Variants in FOXO3B observed in about 807,000 individuals in gnomAD.
FOXO3B encodes forkhead box O3B, also known as forkhead box protein O3B.
Under a neutral mutation model 21.9 loss-of-function variants are expected in FOXO3B, and 15 were observed. That is an observed-to-expected ratio of 0.68 (90% confidence interval 0.46 to 1.05). FOXO3B has a LOEUF of 1.05. FOXO3B is among the 50% of genes least tolerant of loss of function. The pLI, the probability that FOXO3B is intolerant of heterozygous loss-of-function variation, is 0.00. For synonymous variants in FOXO3B, 135 were observed against 213.6 expected, an observed-to-expected ratio of 0.63 and a Z score of 3.21; for missense variants, 293 against 435.5, an observed-to-expected ratio of 0.67 and a Z score of 2.91.
intron 3 of FOXO3B, chr17:18,677,294 G>A (rs1235468240): frequency 6.2e-7 from 1 of 1,613,410 alleles, no homozygotes; most frequent in Non-Finnish European, 8.5e-7. Context: ...TGCTGGGGAA[G>A]GACTTCCCTG....
intron 2 of FOXO3B, 41 bp from the exon 3 acceptor site, chr17:18,680,870 T>A (rs201691498): frequency 7.1e-7 from 1 of 1,401,920 alleles, no homozygotes; most frequent in Non-Finnish European, 9.7e-7. Flanking sequence ...CTAGGCTTAA[T>A]GTGCCACTCA....
Position 18,671,709 on chromosome 17 carries a change from C to T in FOXO3B, c.*600G>A, listed in dbSNP as rs1331362684. The T allele has an allele frequency of 5.0e-6, 8 of 1,613,428 alleles. No homozygotes were observed. Among genetic ancestry groups the T allele is most frequent in the Non-Finnish European group, 3.4e-6 (4 of 1,179,932 alleles). ...GAAGCTAGAACTCCGCTGCATGAGT[C>T]CCCCAGTGGGCGATGGCTGGGATGG... On this transcript the variant is annotated 3_prime_UTR_variant, in exon 4 of 4. Transcript: ENST00000395675.
chr17:18,674,272 A>G (rs1205759543), intron 3 of FOXO3B, among the ~76,000 whole-genome samples: 2 of 151,800 alleles, frequency 1.3e-5, no homozygotes, highest in African/African-American at 4.9e-5. Context: ...CCTTAGACAC[A>G]TTTTCTTTGG....
At chr17:18,677,238 A>T in intron 3 of FOXO3B, 1 of 1,581,362 alleles carries the variant, frequency 6.3e-7, no homozygotes, top group East Asian at 2.3e-5. Context: ...CTCTGATAAA[A>T]CAAGTCTACT....
chr17:18,676,225 A>G (rs1185716794), intron 3 of FOXO3B, among the ~76,000 whole-genome samples: 2 of 152,230 alleles, frequency 1.3e-5, no homozygotes, highest in African/African-American at 4.8e-5. Context: ...TGCATCCATC[A>G]GATTGACAAA....
rs1186496729 is a variant in FOXO3B, at chr17:18,671,627, C to G, written c.*682G>C. On this transcript the variant is annotated 3_prime_UTR_variant, in exon 4 of 4. Coordinates refer to ENST00000395675, the MANE Select transcript of FOXO3B (RefSeq NM_001368135.1). ...AGTTCAGAGATGAAGGTCCAAACAC[C>G]GTGCTGTTAAAGGAGCTGGTTGGGG... 1 of 1,613,790 alleles carries G rather than the reference C, an allele frequency of 6.2e-7. No homozygotes were observed. Among genetic ancestry groups the G allele is most frequent in the African/African-American group, 1.3e-5 (1 of 74,870 alleles).
At chr17:18,677,601 C>T in intron 3 of FOXO3B, 1 of 1,605,290 alleles carries the variant, frequency 6.2e-7, no homozygotes, top group South Asian at 1.1e-5. Context: ...CGGGCGGGCC[C>T]TGGCCAGTGG....
rs1350831583 is a variant in FOXO3B, at chr17:18,672,889, G to A, written c.293C>T (p.Pro98Leu). The stretch of plus-strand genomic sequence containing the variant: ...CTCCGGGTCCAGCTCCACTTCGAGC[G>A]GAGAAAGCGGGGCCGGGGAAGCCGG... Reference protein sequence around the residue: ...EAPASPAPLSPLEVELDPEFE... With the variant: ...EAPASPAPLSLLEVELDPEFE... Residue 98 changes from proline (P) to leucine (L), a missense_variant, in exon 4 of 4, where the codon CCG becomes CTG. Coordinates refer to ENST00000395675, the MANE Select transcript of FOXO3B (RefSeq NM_001368135.1). This position sits in a 1 kb window ranked among gnomAD's most constrained non-coding sequence, Gnocchi z 4.2. The A allele has an allele frequency of 2.6e-6, 4 of 1,560,854 alleles. No homozygotes were observed. Among genetic ancestry groups the A allele is most frequent in the Non-Finnish European group, 1.7e-6 (2 of 1,155,440 alleles).
At position 18,671,679 on chromosome 17, in the gene FOXO3B, T is replaced by C; in HGVS notation, c.*630A>G. The C allele has an allele frequency of 1.2e-6, 2 of 1,613,850 alleles. No homozygotes were observed. Among genetic ancestry groups the C allele is most frequent in the East Asian group, 4.5e-5 (2 of 44,874 alleles). On this transcript the variant is annotated 3_prime_UTR_variant, in exon 4 of 4. Coordinates refer to ENST00000395675, the MANE Select transcript of FOXO3B (RefSeq NM_001368135.1). ...GCTCAGGCCCGAGCCCTTGGTGGTATACGGGAAGCTAGAACTCCGCTGCAT... is the reference window on the plus strand; with the variant it reads ...GCTCAGGCCCGAGCCCTTGGTGGTACACGGGAAGCTAGAACTCCGCTGCAT...
chr17:18,672,162 G>A lies in FOXO3B; in HGVS notation c.*147C>T, dbSNP rs931753308. 4.3e-6 allele frequency: 7 copies of A among 1,612,544 alleles called. No individual in the cohort carries two copies. The highest frequency in any genetic ancestry group is 5.1e-6 in the Non-Finnish European group (6 of 1,179,242). Reference sequence around the variant, plus strand: ...GGCTCTTGGTATACTTGTTGCTATTGTCCATGGAGACAGCCCGCCGCCGGG... The same window carrying A: ...GGCTCTTGGTATACTTGTTGCTATTATCCATGGAGACAGCCCGCCGCCGGG... On this transcript the variant is annotated 3_prime_UTR_variant, in exon 4 of 4. Transcript: ENST00000395675. This position sits in a 1 kb window ranked among gnomAD's most constrained non-coding sequence, Gnocchi z 4.2.
rs2032371564 is a variant in FOXO3B, at chr17:18,671,838, C to A, written c.*471G>T. On this transcript the variant is annotated 3_prime_UTR_variant, in exon 4 of 4. Transcript: ENST00000395675. ...TGTCAGTCAGCCGTAGCAGTTCCAC[C>A]GTGCACGGCTTGCTTACTGAAGGTG... 3 of 1,608,932 alleles carry A rather than the reference C, an allele frequency of 1.9e-6. No individual in the cohort carries two copies. Among genetic ancestry groups the A allele is most frequent in the Admixed American group, 3.4e-5 (2 of 59,660 alleles).
intron 3 of FOXO3B, among the ~76,000 whole-genome samples, chr17:18,676,382 G>A (rs2032481751): frequency 2.0e-5 from 3 of 152,130 alleles, no homozygotes; most frequent in African/African-American, 7.2e-5. Context: ...GATGATCACT[G>A]CAACTGCTAC....
intron 3 of FOXO3B, among the ~76,000 whole-genome samples, chr17:18,676,194 G>T (rs1356749194): frequency 6.6e-6 from 1 of 152,184 alleles, no homozygotes; most frequent in Admixed American, 6.5e-5. Flanking sequence ...TCAGAGAAAT[G>T]AAAATTTTAA....
At chr17:18,677,693 C>T (rs1212983669) in intron 3 of FOXO3B, 6 of 1,602,690 alleles carry the variant, frequency 3.7e-6, no homozygotes, top group East Asian at 2.2e-5. Context: ...AGCATGCTGG[C>T]GAGCGCGATA....
chr17:18,679,460 T>C (rs901585351), intron 3 of FOXO3B, among the ~76,000 whole-genome samples: 13 of 149,878 alleles, frequency 8.7e-5, no homozygotes, highest in African/African-American at 3.0e-4. Context: ...AACTTTTTTT[T>C]TTTTTTTTTG....
intron 3 of FOXO3B, among the ~76,000 whole-genome samples, chr17:18,673,676 T>G (rs1210198587): frequency 6.6e-6 from 1 of 151,882 alleles, no homozygotes; most frequent in East Asian, 1.9e-4. Flanking sequence ...TCCAGGATTT[T>G]GTCTGTTACC....
rs1200580737 is a variant in FOXO3B, at chr17:18,672,503, C to T, written c.679G>A (p.Gly227Arg). 2.6e-6 allele frequency: 4 copies of T among 1,531,084 alleles called. No homozygotes were observed. The Admixed American group carries it at 8.2e-5, about 31-fold the overall frequency. The allele number at this position is 1,531,084 out of a possible 1,614,324, so 94.8% of individuals were successfully genotyped here. Residue 227 changes from glycine (G) to arginine (R), a missense_variant, in exon 4 of 4, where the codon GGG becomes AGG. Physicochemically the swap from Gly to Arg is moderately radical, Grantham distance 125. Around this residue, in one of 2 missense-constraint regions of FOXO3B, gnomAD observed 251 missense variants for 404.0 expected, o/e 0.62. Transcript: ENST00000395675. The surrounding 1 kb of genome is among the most constrained non-coding windows in gnomAD (Gnocchi z 4.2). ...CATTTCCTCGGCTGCCCGGAGCCCC[C>T]AGCCGCCCCCGGCTGCGGCGGTGGC... ...PLPPPQPGAA[G>R]GSGQPRKCSS...
chr17:18,669,411 C>T lies in FOXO3B; in HGVS notation c.*2898G>A, dbSNP rs899141861. On this transcript the variant is annotated 3_prime_UTR_variant, in exon 4 of 4. Transcript: ENST00000395675. Reference sequence around the variant, plus strand: ...TATTTATACATTTATACGCCTAATGCTTTTTATGCAAAGAAAAGAGTCTTC... The same window carrying T: ...TATTTATACATTTATACGCCTAATGTTTTTTATGCAAAGAAAAGAGTCTTC... The T allele has an allele frequency of 3.3e-5, 5 of 151,456 alleles. No individual in the cohort carries two copies. Among genetic ancestry groups the T allele is most frequent in the East Asian group, 3.8e-4 (2 of 5,196 alleles). 9.4% of individuals were successfully genotyped at this position (151,456 alleles called of 1,614,324 possible).
rs1274941339 is a variant in FOXO3B at position 18,668,309 on chromosome 17, C to T, written c.*4000G>A. The T allele has an allele frequency of 6.6e-6, 1 of 152,336 alleles. No homozygotes were observed. The highest frequency in any genetic ancestry group is 1.5e-5 in the Non-Finnish European group (1 of 68,096). The allele number at this position is 152,336 out of a possible 1,614,324, so 9.4% of individuals were successfully genotyped here. A position where few individuals can be genotyped will look rare whatever the true frequency, so the allele number is the denominator to read the frequency against. On this transcript the variant is annotated 3_prime_UTR_variant, in exon 4 of 4. Transcript: ENST00000395675. The stretch of plus-strand genomic sequence containing the variant: ...TTGAAAAAGAAAAAACAAAACAGAA[C>T]AAAAAACCAAAGCATTCCCTCTTCA...
Sources: gnomAD v4.1 joint callset for allele counts (sites outside exome capture counted in the v4.1 genomes callset) on GRCh38, gnomAD v4.1.1 for gene constraint, gnomAD v4.1.1 regional missense constraint, Gnocchi (gnomAD v3.1) non-coding constraint, MANE v1.5 for transcripts, NCBI Gene and HGNC (gene_info 2026-07-23, HGNC 2026-07-21) for gene names.